The following AGPAT4 variants were observed in gnomAD, a reference collection of about 807,000 sequenced individuals.
The protein encoded by AGPAT4 is 1-acylglycerol-3-phosphate O-acyltransferase 4.
In AGPAT4, 15 loss-of-function variants were observed where a neutral mutation model predicts 48.0. The ratio of observed to expected loss-of-function variants is 0.31; its 90% CI spans 0.21 to 0.48. The LOEUF is 0.48. Ranked by LOEUF, AGPAT4 falls within the 20% of genes least tolerant of loss-of-function variation. The probability of loss-of-function intolerance (pLI) is 0.99; values close to 1 mark genes in which losing one functional copy is unlikely to be tolerated. For synonymous variants in AGPAT4, 178 were observed against 198.7 expected, an observed-to-expected ratio of 0.90 and a Z score of 0.88; for missense variants, 314 against 482.5, an observed-to-expected ratio of 0.65 and a Z score of 3.27.
chr6:161,184,542 C>T lies in AGPAT4; in HGVS notation c.179-18125G>A, dbSNP rs540760928. Among the ~76,000 whole-genome samples the T allele has an allele frequency of 3.3e-5, 5 of 152,010 alleles. No individual in the cohort carries two copies. In the South Asian group the frequency reaches 8.3e-4, roughly 25 times the overall value. On this transcript the variant is annotated intron_variant, in intron 2 of 8. Coordinates refer to ENST00000320285, the MANE Select transcript of AGPAT4 (RefSeq NM_020133.3). This position sits in a 1 kb window ranked among gnomAD's most constrained non-coding sequence, Gnocchi z 4.8. ...AGGTTCTCGTGATGTTCTGTGTAGC[C>T]CTGGCCTCCCCTGGCCCTGCCCCGG...
At chr6:161,157,831 C>T (rs1779805801) in intron 3 of AGPAT4, among the ~76,000 whole-genome samples, 1 of 152,164 alleles carries the variant, frequency 6.6e-6, no homozygotes. Context: ...TGAGACAGTC[C>T]TGTTTCTAAC....
chr6:161,243,041 C>T lies in AGPAT4; in HGVS notation c.-89-10739G>A, dbSNP rs1342728673. ...TTGCGCCACTGCACTCCAGCTTGGG[C>T]GACAGAGCCAGACTCTGTCTCAAAA... On this transcript the variant is annotated intron_variant, in intron 1 of 8. Coordinates refer to ENST00000320285, the MANE Select transcript of AGPAT4 (RefSeq NM_020133.3). The surrounding 1 kb of genome is among the most constrained non-coding windows in gnomAD (Gnocchi z 4.8). Among the ~76,000 whole-genome samples the T allele has an allele frequency of 4.0e-5, 6 of 151,848 alleles. No homozygotes were observed. Among genetic ancestry groups the T allele is most frequent in the South Asian group, 4.2e-4 (2 of 4,808 alleles).
Position 161,256,123 on chromosome 6 carries a change from C to T in AGPAT4, c.-90+17815G>A, listed in dbSNP as rs1782937071. On this transcript the variant is annotated intron_variant, in intron 1 of 8. Transcript: ENST00000320285. ...GAGGCCGGTTGGCAGGATGTTACTG[C>T]CCACCACAGCACTTGCAGGAAGTAA... Among the ~76,000 whole-genome samples, 4 of 152,232 alleles carry T rather than the reference C, an allele frequency of 2.6e-5. No homozygotes were observed. The South Asian group carries it at 8.3e-4, about 32-fold the overall frequency.
rs767700012 is a variant in AGPAT4 at position 161,153,467 on chromosome 6, C to T, written c.543G>A (p.Thr181=). 10 of 1,613,632 alleles carry T rather than the reference C, an allele frequency of 6.2e-6. No individual in the cohort carries two copies. Among genetic ancestry groups the T allele is most frequent in the African/African-American group, 4.0e-5 (3 of 75,054 alleles). The stretch of plus-strand genomic sequence containing the variant: ...GCATGCTGATCTCATGCTTCTTCTC[C>T]GTGAACCGTGTGCCCTCACAGTGAA... The part of the protein sequence containing the change: ...FLIHCEGTRF[T]EKKHEISMQV... The change falls in exon 5 of 9, where the codon ACG becomes ACA. Residue 181 remains threonine, a synonymous_variant. Transcript: ENST00000320285.
In AGPAT4 at chr6:161,153,368, G is replaced by A. The variant is rs150112046; in HGVS notation, c.642C>T (p.Thr214=). ...LLPRTKGFAI[T]VRSLRNVVSA... Reference sequence around the variant, plus strand: ...TACCTACATTTCTCAAGCTCCTCACGGTGATGGCGAAGCCCTTGGTTCGTG... The same window carrying A: ...TACCTACATTTCTCAAGCTCCTCACAGTGATGGCGAAGCCCTTGGTTCGTG... The change falls in exon 5 of 9, where the codon ACC becomes ACT. Residue 214 remains threonine, a synonymous_variant. Transcript: ENST00000320285. The A allele has an allele frequency of 2.7e-5, 43 of 1,609,680 alleles. No homozygotes were observed. Among genetic ancestry groups the A allele is most frequent in the Middle Eastern group, 3.3e-4 (2 of 6,072 alleles).
Position 161,197,322 on chromosome 6 carries a change from T to C in AGPAT4, c.179-30905A>G, listed in dbSNP as rs1385462851. Among the ~76,000 whole-genome samples, 1 of 152,200 alleles carries C rather than the reference T, an allele frequency of 6.6e-6. No individual in the cohort carries two copies. The highest frequency in any genetic ancestry group is 1.9e-4 in the East Asian group (1 of 5,196). On this transcript the variant is annotated intron_variant, in intron 2 of 8. Coordinates refer to ENST00000320285, the MANE Select transcript of AGPAT4 (RefSeq NM_020133.3). This position sits in a 1 kb window ranked among gnomAD's most constrained non-coding sequence, Gnocchi z 5.7. ...AGAACTAGCGTTCCATAAAACAGTTTGGGAAATACTGCTCTAAGTGATTCT... is the reference window on the plus strand; with the variant it reads ...AGAACTAGCGTTCCATAAAACAGTTCGGGAAATACTGCTCTAAGTGATTCT...
At position 161,161,470 on chromosome 6, in the gene AGPAT4, T is replaced by C. The variant is rs1343534866; in HGVS notation, c.348+4778A>G. 4.4e-6 allele frequency: 2 copies of C among 456,624 alleles called. No individual in the cohort carries two copies. The highest frequency in any genetic ancestry group is 8.8e-6 in the Non-Finnish European group (2 of 226,990). 28.3% of individuals were successfully genotyped at this position (456,624 alleles called of 1,614,324 possible). ...AGAGGGTGGCGTCCCAGCCCATTCCTAGTGCAAGGTCTGTGCCTGCAGAGC... is the reference window on the plus strand; with the variant it reads ...AGAGGGTGGCGTCCCAGCCCATTCCCAGTGCAAGGTCTGTGCCTGCAGAGC... On this transcript the variant is annotated intron_variant, in intron 3 of 8. Coordinates refer to ENST00000320285, the MANE Select transcript of AGPAT4 (RefSeq NM_020133.3). The surrounding 1 kb of genome is among the most constrained non-coding windows in gnomAD (Gnocchi z 4.6).
Position 161,204,183 on chromosome 6 carries a change from G to A in AGPAT4, c.178+27853C>T, listed in dbSNP as rs1010414768. On this transcript the variant is annotated intron_variant, in intron 2 of 8. Transcript: ENST00000320285. The surrounding 1 kb of genome is among the most constrained non-coding windows in gnomAD (Gnocchi z 4.4). ...TCAGTTGCATTTAGAGAAGATGAAT[G>A]CATTTAAACTTCTCATTAGTAAGTG... Among the ~76,000 whole-genome samples, 1 of 152,156 alleles carries A rather than the reference G, an allele frequency of 6.6e-6. No homozygotes were observed. The highest frequency in any genetic ancestry group is 1.5e-5 in the Non-Finnish European group (1 of 68,026).
intron 3 of AGPAT4, chr6:161,160,693 C>T (rs78904418): frequency 9.6e-5 from 31 of 323,340 alleles, no homozygotes; most frequent in East Asian, 5.3e-4. Context: ...GTCACGGTCA[C>T]GGCTGTCAGG....
Position 161,225,327 on chromosome 6 carries a change from C to T in AGPAT4, c.178+6709G>A, listed in dbSNP as rs1781947785. Among the ~76,000 whole-genome samples the T allele has an allele frequency of 6.6e-6, 1 of 152,226 alleles. No homozygotes were observed. The highest frequency in any genetic ancestry group is 1.5e-5 in the Non-Finnish European group (1 of 68,052). On this transcript the variant is annotated intron_variant, in intron 2 of 8. Transcript: ENST00000320285. This position sits in a 1 kb window ranked among gnomAD's most constrained non-coding sequence, Gnocchi z 5.0. Reference sequence around the variant, plus strand: ...AACCCTAGCCAATAGGGGAAGGACACAGCAGCAGGGGCCATGGGCTTCAGG... The same window carrying T: ...AACCCTAGCCAATAGGGGAAGGACATAGCAGCAGGGGCCATGGGCTTCAGG...
rs1406864308 is a variant in AGPAT4, at chr6:161,219,049, A to T, written c.178+12987T>A. 6.6e-6 allele frequency among the ~76,000 whole-genome samples: 1 copy of T among 152,262 alleles called. No homozygotes were observed. The highest frequency in any genetic ancestry group is 1.5e-5 in the Non-Finnish European group (1 of 68,046). ...CTCAAAATGTTTGACAATGCCTCAGATCCCATCTGGGCCCAAGATAAACTG... is the reference window on the plus strand; with the variant it reads ...CTCAAAATGTTTGACAATGCCTCAGTTCCCATCTGGGCCCAAGATAAACTG... On this transcript the variant is annotated intron_variant, in intron 2 of 8. Transcript: ENST00000320285. This position sits in a 1 kb window ranked among gnomAD's most constrained non-coding sequence, Gnocchi z 4.9.
At chr6:161,209,111 C>G (rs1000123268) in intron 2 of AGPAT4, among the ~76,000 whole-genome samples, 2 of 152,194 alleles carry the variant, frequency 1.3e-5, no homozygotes, top group African/African-American at 2.4e-5. Context: ...GGGCAGACAT[C>G]ACTTTGGTGC....
In AGPAT4 at chr6:161,139,651, C is replaced by T. The variant is rs1423629258; in HGVS notation, c.844-31G>A. On this transcript the variant is annotated intron_variant, in intron 7 of 8. Transcript: ENST00000320285. This position sits in a 1 kb window ranked among gnomAD's most constrained non-coding sequence, Gnocchi z 9.1. ...GGACAGGAAAGAGGACCCTCAGACG[C>T]CACACGGGGCTCGGTGGCAGGTCCC... The T allele has an allele frequency of 1.3e-6, 2 of 1,554,882 alleles. No homozygotes were observed. The highest frequency in any genetic ancestry group is 1.7e-6 in the Non-Finnish European group (2 of 1,143,828).
rs1781041620 is a variant in AGPAT4 at position 161,195,340 on chromosome 6, G to A, written c.179-28923C>T. ...ATAAAAGAAAAAAAGTAATTATTCA[G>A]AGAAGACAAGCACTGCAGGACAACC... On this transcript the variant is annotated intron_variant, in intron 2 of 8. Coordinates refer to ENST00000320285, the MANE Select transcript of AGPAT4 (RefSeq NM_020133.3). The surrounding 1 kb of genome is among the most constrained non-coding windows in gnomAD (Gnocchi z 5.0). 3.9e-5 allele frequency among the ~76,000 whole-genome samples: 6 copies of A among 152,298 alleles called. No homozygotes were observed. The South Asian group carries it at 1.2e-3, about 32-fold the overall frequency.
chr6:161,209,199 G>T (rs1781459865), intron 2 of AGPAT4, among the ~76,000 whole-genome samples: 1 of 152,172 alleles, frequency 6.6e-6, no homozygotes, highest in African/African-American at 2.4e-5. Flanking sequence ...CTCTGGAGAA[G>T]AGCTGAGCAG....
At chr6:161,209,061 T>G (rs1016172350) in intron 2 of AGPAT4, among the ~76,000 whole-genome samples, 2 of 152,098 alleles carry the variant, frequency 1.3e-5, no homozygotes, top group South Asian at 2.1e-4. Context: ...ATGAAAGAAG[T>G]TGGGTTGCCC....
rs1442387327 is a variant in AGPAT4 at position 161,236,889 on chromosome 6, G to A, written c.-89-4587C>T. Among the ~76,000 whole-genome samples, 1 of 152,128 alleles carries A rather than the reference G, an allele frequency of 6.6e-6. No individual in the cohort carries two copies. Among genetic ancestry groups the A allele is most frequent in the Non-Finnish European group, 1.5e-5 (1 of 68,016 alleles). ...TGCACTCCAGCCTGGGCGACAGAGT[G>A]AGACTCCATCTCAAACAAAATAAAT... is the stretch of plus-strand genomic sequence containing the variant. On this transcript the variant is annotated intron_variant, in intron 1 of 8. Coordinates refer to ENST00000320285, the MANE Select transcript of AGPAT4 (RefSeq NM_020133.3). This position sits in a 1 kb window ranked among gnomAD's most constrained non-coding sequence, Gnocchi z 5.0.
rs2009830 is a variant in AGPAT4 at position 161,140,137 on chromosome 6, C to T, written c.844-517G>A. 0.037 allele frequency among the ~76,000 whole-genome samples: 5,656 copies of T among 152,284 alleles called. 175 individuals are homozygous for T. Among genetic ancestry groups the T allele is most frequent in the African/African-American group, 0.084 (3,504 of 41,566 alleles). ...CCCGGCCTCCACAGCCAGTTCACCT[C>T]GGGCAGCCCACCCGCACCTACCACC... On this transcript the variant is annotated intron_variant, in intron 7 of 8. Transcript: ENST00000320285. The surrounding 1 kb of genome is among the most constrained non-coding windows in gnomAD (Gnocchi z 6.5).
In AGPAT4 at chr6:161,149,326, C is replaced by T. The variant is rs749058027; in HGVS notation, c.665-37G>A. On this transcript the variant is annotated intron_variant, in intron 5 of 8. Transcript: ENST00000320285. The surrounding 1 kb of genome is among the most constrained non-coding windows in gnomAD (Gnocchi z 6.5). Reference sequence around the variant, plus strand: ...AAAACAAATACAAAGCAGTATATAGCGTGTGAACCCAATTTTGTTCTGTAG... The same window carrying T: ...AAAACAAATACAAAGCAGTATATAGTGTGTGAACCCAATTTTGTTCTGTAG... 10 of 1,560,182 alleles carry T rather than the reference C, an allele frequency of 6.4e-6. No homozygotes were observed. Among genetic ancestry groups the T allele is most frequent in the South Asian group, 1.2e-5 (1 of 83,740 alleles).
Sources: allele counts gnomAD v4.1 joint callset (sites outside exome capture counted in the v4.1 genomes callset), GRCh38; gene constraint gnomAD v4.1.1; non-coding constraint Gnocchi (gnomAD v3.1); transcripts MANE v1.5; gene names NCBI Gene and HGNC (gene_info 2026-07-23, HGNC 2026-07-21).